Variants in HNRNPK observed in about 807,000 individuals in gnomAD.
The protein encoded by HNRNPK is heterogeneous nuclear ribonucleoprotein K.
Under a neutral mutation model 67.0 loss-of-function variants are expected in HNRNPK, and 7 were observed. The observed-to-expected ratio is 0.10, with a 90% CI of 0.06 to 0.20. The LOEUF is 0.20. HNRNPK is among the 10% of genes least tolerant of loss of function. The probability of loss-of-function intolerance (pLI) is 1.00; values close to 1 mark genes in which losing one functional copy is unlikely to be tolerated. For missense variants in HNRNPK, 264 were observed against 606.5 expected, an observed-to-expected ratio of 0.44 and a Z score of 5.93; for synonymous variants, 213 against 193.7, an observed-to-expected ratio of 1.10 and a Z score of -0.83.
intron 9 of HNRNPK, 49 bp downstream of exon 9, chr9:83,973,236 TG>T (rs775608588): frequency 4.6e-6 from 5 of 1,087,692 alleles, no homozygotes; most frequent in Non-Finnish European, 7.1e-6. Flanking sequence ...CAAGTCTATA[TG>T]AAAATTTACT....
chr9:83,978,054 G>A, intron 3 of HNRNPK, 141 bp downstream of exon 3: 2 of 630,900 alleles, frequency 3.2e-6, no homozygotes, highest in African/African-American at 1.9e-5. Context: ...TAAAAGCTAA[G>A]ATGTAACTAC....
rs1957139627 is a variant in HNRNPK, at chr9:83,977,819, C to T, written c.59-33G>A. ...TTAACAGTTCACATTTCAAAGAAAG[C>T]AGCGAAGTCTCCAAAGTAACTCCAT... On this transcript the variant is annotated intron_variant, in intron 3 of 16. Coordinates refer to ENST00000376263, the MANE Select transcript of HNRNPK (RefSeq NM_031263.4). 6 of 1,341,302 alleles carry T rather than the reference C, an allele frequency of 4.5e-6. No individual in the cohort carries two copies. In the East Asian group the frequency reaches 9.2e-5, roughly 21 times the overall value. The allele number at this position is 1,341,302 out of a possible 1,614,324, so 83.1% of individuals were successfully genotyped here. A position where few individuals can be genotyped will look rare whatever the true frequency, so the allele number is the denominator to read the frequency against.
chr9:83,975,431 A>G (rs1313613745), intron 6 of HNRNPK, 31 bp downstream of exon 6: 1 of 1,599,816 alleles, frequency 6.3e-7, no homozygotes. Context: ...CTTTCTAATC[A>G]GGCAGTGAGG....
rs1956706645 is a variant in HNRNPK at position 83,969,098 on chromosome 9, T to TA, written c.*308dup. ...CAATAATTACATGGGGGGAATTTTT[T>TA]AAACCACCAACAATAACGAAAAATA... On this transcript the variant is annotated 3_prime_UTR_variant, in exon 17 of 17. Coordinates refer to ENST00000376263, the MANE Select transcript of HNRNPK (RefSeq NM_031263.4). 1 of 505,426 alleles carries TA rather than the reference T, an allele frequency of 2.0e-6. No homozygotes were observed. Among genetic ancestry groups the TA allele is most frequent in the East Asian group, 3.2e-5 (1 of 31,496 alleles). The allele number at this position is 505,426 out of a possible 1,614,324, so 31.3% of individuals were successfully genotyped here. A position where few individuals can be genotyped will look rare whatever the true frequency, so the allele number is the denominator to read the frequency against.
At position 83,978,387 on chromosome 9, in the gene HNRNPK, C is replaced by A; in HGVS notation, c.-42G>T. On this transcript the variant is annotated 5_prime_UTR_variant, in exon 2 of 17. Coordinates refer to ENST00000376263, the MANE Select transcript of HNRNPK (RefSeq NM_031263.4). ...CTAGAACGTACCAGTTATTATATATCCTTGCAGAGCAGAACTGAAGCGTTC... is the reference window on the plus strand; with the variant it reads ...CTAGAACGTACCAGTTATTATATATACTTGCAGAGCAGAACTGAAGCGTTC... 1 of 1,465,954 alleles carries A rather than the reference C, an allele frequency of 6.8e-7. No individual in the cohort carries two copies. The highest frequency in any genetic ancestry group is 9.0e-7 in the Non-Finnish European group (1 of 1,115,926). 90.8% of individuals were successfully genotyped at this position (1,465,954 alleles called of 1,614,324 possible).
intron 12 of HNRNPK, 112 bp downstream of exon 12, chr9:83,971,558 CAA>C (rs1956843189): frequency 1.1e-6 from 1 of 928,148 alleles, no homozygotes; most frequent in African/African-American, 1.7e-5. Context: ...GTAATCCAAA[CAA>C]AATTTACTTG....
chr9:83,977,918 G>T (rs1230973455), intron 3 of HNRNPK, 132 bp from the exon 4 acceptor site: 2 of 625,158 alleles, frequency 3.2e-6, no homozygotes, highest in Non-Finnish European at 5.6e-6. Flanking sequence ...AGACTTGAAC[G>T]TTATGCTTCC....
At chr9:83,974,712 C>A in intron 6 of HNRNPK, 123 bp from the exon 7 acceptor site, 2 of 642,992 alleles carry the variant, frequency 3.1e-6, no homozygotes, top group South Asian at 1.9e-5. Flanking sequence ...TAATATTCCC[C>A]ATTTAAAGTA....
chr9:83,978,182 A>T lies in HNRNPK; in HGVS notation c.58+13T>A, dbSNP rs754695220. The T allele has an allele frequency of 6.4e-7, 1 of 1,561,042 alleles. No individual in the cohort carries two copies. The highest frequency in any genetic ancestry group is 1.1e-5 in the South Asian group (1 of 89,142). On this transcript the variant is annotated intron_variant, in intron 3 of 16. Transcript: ENST00000376263. ...GATAAAAAAATACTGTTAAAACTAA[A>T]ATTTCTTCTCACCAAATTCACCATT...
In HNRNPK at chr9:83,968,137, G is replaced by A. The variant is rs1214050761; in HGVS notation, c.*1270C>T. 1 of 152,514 alleles carries A rather than the reference G, an allele frequency of 6.6e-6. No homozygotes were observed. The highest frequency in any genetic ancestry group is 1.5e-5 in the Non-Finnish European group (1 of 68,030). 9.4% of individuals were successfully genotyped at this position (152,514 alleles called of 1,614,324 possible). A position where few individuals can be genotyped will look rare whatever the true frequency, so the allele number is the denominator to read the frequency against. ...AGGAACGTTTCAACAAATTTTACAG[G>A]TGTCAATCAACCCTTGTTCAAATCG... is the stretch of plus-strand genomic sequence containing the variant. On this transcript the variant is annotated 3_prime_UTR_variant, in exon 17 of 17. Transcript: ENST00000376263.
chr9:83,973,194 C>A (rs570243748), intron 9 of HNRNPK, 92 bp downstream of exon 9: 1 of 837,568 alleles, frequency 1.2e-6, no homozygotes, highest in Non-Finnish European at 2.0e-6. Context: ...TTGGAGGGAA[C>A]TGAGAGGGGA....
At chr9:83,978,009 C>A (rs1328536788) in intron 3 of HNRNPK, among the ~76,000 whole-genome samples, 186 bp downstream of exon 3, 1 of 152,120 alleles carries the variant, frequency 6.6e-6, no homozygotes, top group Non-Finnish European at 1.5e-5. Flanking sequence ...AAGAAAAATT[C>A]TTTATATGCA....
In HNRNPK at chr9:83,977,885, GAA is replaced by G. The variant is rs535537297; in HGVS notation, c.59-101_59-100del. On this transcript the variant is annotated intron_variant, in intron 3 of 16. Transcript: ENST00000376263. ...TTGTTGCTAATCTTAGGCATGTTTTGAAAAGACCAAAGGCATTGCTACAGACT... is the reference window on the plus strand; with the variant it reads ...TTGTTGCTAATCTTAGGCATGTTTTGAAGACCAAAGGCATTGCTACAGACT... The G allele has an allele frequency of 1.9e-4, 144 of 764,650 alleles. No individual in the cohort carries two copies. In the East Asian group the frequency reaches 2.8e-3, roughly 15 times the overall value. The allele number at this position is 764,650 out of a possible 1,614,324, so 47.4% of individuals were successfully genotyped here. A position where few individuals can be genotyped will look rare whatever the true frequency, so the allele number is the denominator to read the frequency against.
intron 10 of HNRNPK, 104 bp downstream of exon 10, chr9:83,972,740 G>A: frequency 1.3e-6 from 1 of 778,088 alleles, no homozygotes; most frequent in Non-Finnish European, 2.0e-6. Context: ...GCTAGGGAAA[G>A]GGCAAATAAA....
At chr9:83,970,946 T>G (rs1454561021) in intron 13 of HNRNPK, 34 bp from the exon 14 acceptor site, 19 of 1,603,062 alleles carry the variant, frequency 1.2e-5, no homozygotes, top group Non-Finnish European at 1.3e-5. Flanking sequence ...GAAAATTACT[T>G]TGCCGTTGTA....
Position 83,978,405 on chromosome 9 carries a change from A to AAGC in HNRNPK, c.-63_-61dup. The AAGC allele has an allele frequency of 7.0e-7, 1 of 1,430,392 alleles. No homozygotes were observed. The highest frequency in any genetic ancestry group is 9.1e-7 in the Non-Finnish European group (1 of 1,097,864). 88.6% of individuals were successfully genotyped at this position (1,430,392 alleles called of 1,614,324 possible). ...TATATATCCTTGCAGAGCAGAACTG[A>AAGC]AGCGTTCTGGGTCGGACCAACAACT... On this transcript the variant is annotated 5_prime_UTR_variant, in exon 2 of 17. Transcript: ENST00000376263.
rs768969321 is a variant in HNRNPK at position 83,977,664 on chromosome 9, A to G, written c.156+25T>C. The stretch of plus-strand genomic sequence containing the variant: ...TTCTACCTGAGTATGAACCACCTTC[A>G]AATTTTCAAGAATAAAATTTATACC... On this transcript the variant is annotated intron_variant, in intron 4 of 16. Coordinates refer to ENST00000376263, the MANE Select transcript of HNRNPK (RefSeq NM_031263.4). 1.4e-5 allele frequency: 21 copies of G among 1,459,892 alleles called. No homozygotes were observed. In the Middle Eastern group the frequency reaches 7.1e-4, roughly 49 times the overall value. The allele number at this position is 1,459,892 out of a possible 1,614,324, so 90.4% of individuals were successfully genotyped here.
At chr9:83,972,364 A>T in intron 10 of HNRNPK, 175 bp from the exon 11 acceptor site, 1 of 580,052 alleles carries the variant, frequency 1.7e-6, no homozygotes, top group South Asian at 2.5e-5. Context: ...ATTCCAAAGA[A>T]ATCCAATACT....
At chr9:83,977,579 G>A (rs997064532) in intron 4 of HNRNPK, 110 bp downstream of exon 4, 3 of 639,626 alleles carry the variant, frequency 4.7e-6, no homozygotes, top group Non-Finnish European at 8.1e-6. Context: ...AGAACCAAAT[G>A]TTTTATATTC....
Sources: allele counts gnomAD v4.1 joint callset (sites outside exome capture counted in the v4.1 genomes callset), GRCh38; gene constraint gnomAD v4.1.1; transcripts MANE v1.5; gene names NCBI Gene and HGNC (gene_info 2026-07-23, HGNC 2026-07-21).